Variants in RIOX2 observed in about 807,000 individuals in gnomAD.
RIOX2 encodes ribosomal oxygenase 2, also known as 60S ribosomal protein L27a histidine hydroxylase.
Under a neutral mutation model 51.2 loss-of-function variants are expected in RIOX2, and 43 were observed. That is an observed-to-expected ratio of 0.84 (90% CI 0.66 to 1.08). The LOEUF is 1.08. Among genes scored for constraint, RIOX2 ranks in the 50% least tolerant of loss-of-function variants. The pLI, the probability that RIOX2 is intolerant of heterozygous loss-of-function variation, is 0.00. For missense variants in RIOX2, 566 were observed against 561.7 expected, an observed-to-expected ratio of 1.01 and a Z score of -0.08; for synonymous variants, 226 against 218.5, an observed-to-expected ratio of 1.03 and a Z score of -0.30.
At position 97,959,153 on chromosome 3, in the gene RIOX2, C is replaced by G; in HGVS notation, c.579G>C (p.Glu193Asp). Reference protein sequence around the residue: ...VEVFILQLEGEKHWRLYHPTV... With the variant: ...VEVFILQLEGDKHWRLYHPTV... ...TGGGGTGGTAGAGGCGCCAGTGTTT[C>G]TCTCCCTCCAGCTGCAGGATGAAAA... Residue 193 changes from glutamate to aspartate, a missense_variant, in exon 4 of 10, where the codon GAG becomes GAC. Coordinates refer to ENST00000394198, the MANE Select transcript of RIOX2 (RefSeq NM_153182.4). The G allele has an allele frequency of 6.2e-7, 1 of 1,613,986 alleles. No homozygotes were observed. Among genetic ancestry groups the G allele is most frequent in the African/African-American group, 1.3e-5 (1 of 75,024 alleles).
chr3:97,963,197 C>G (rs1705750225), intron 2 of RIOX2, among the ~76,000 whole-genome samples: 1 of 152,204 alleles, frequency 6.6e-6, no homozygotes, highest in Admixed American at 6.5e-5. Context: ...AATCACAGTT[C>G]ACTGCAGCCT....
At chr3:97,964,594 G>T (rs1336839598) in intron 2 of RIOX2, among the ~76,000 whole-genome samples, 1 of 150,960 alleles carries the variant, frequency 6.6e-6, no homozygotes, top group African/African-American at 2.4e-5. Flanking sequence ...TACTCAGGAG[G>T]TCCAAGGCAG....
chr3:97,964,955 C>G (rs1376521864), intron 2 of RIOX2, among the ~76,000 whole-genome samples: 1 of 151,954 alleles, frequency 6.6e-6, no homozygotes, highest in African/African-American at 2.4e-5. Flanking sequence ...TTTAAACTAA[C>G]TATACTAATA....
At chr3:97,946,575 CT>C (rs201163224) in intron 8 of RIOX2, among the ~76,000 whole-genome samples, 1,672 of 85,290 alleles carry the variant, frequency 0.02, 21 homozygotes, top group Middle Eastern at 0.055. Flanking sequence ...GGAATGTGTA[CT>C]TTTGAGGATG....
In RIOX2 at chr3:97,960,439, G is replaced by A. The variant is rs76369616; in HGVS notation, c.552+1150C>T. Reference sequence around the variant, plus strand: ...AACACATATAACATACAAAATAAGTGTTAACCAATTTATGCTATCAGTAAG... The same window carrying A: ...AACACATATAACATACAAAATAAGTATTAACCAATTTATGCTATCAGTAAG... On this transcript the variant is annotated intron_variant, in intron 3 of 9. Transcript: ENST00000394198. 4.1e-3 allele frequency among the ~76,000 whole-genome samples: 618 copies of A among 152,252 alleles called. 10 individuals carry two copies. Among genetic ancestry groups the A allele is most frequent in the African/African-American group, 0.014 (586 of 41,542 alleles).
chr3:97,950,084 T>C, intron 6 of RIOX2, 69 bp from the exon 7 acceptor site: 2 of 1,531,050 alleles, frequency 1.3e-6, no homozygotes, highest in Admixed American at 3.4e-5. Flanking sequence ...GTCTCCACAG[T>C]AGACTGCAAA....
At position 97,953,333 on chromosome 3, in the gene RIOX2, A is replaced by C. The variant is rs1705318443; in HGVS notation, c.785+1059T>G. On this transcript the variant is annotated intron_variant, in intron 5 of 9. Transcript: ENST00000394198. ...TAAAATCCTTGAATTCCCAGCAACA[A>C]ACACAATGTCTAGTACATATTTGTT... Among the ~76,000 whole-genome samples the C allele has an allele frequency of 3.9e-5, 6 of 152,126 alleles. No homozygotes were observed. The South Asian group carries it at 1.2e-3, about 32-fold the overall frequency.
intron 1 of RIOX2, among the ~76,000 whole-genome samples, chr3:97,969,392 CAA>C (rs1486464749): frequency 6.6e-6 from 1 of 152,108 alleles, no homozygotes. Context: ...TGGAGAAATA[CAA>C]AGAGATAGAA....
Position 97,949,930 on chromosome 3 carries a change from A to C in RIOX2, c.974T>G (p.Leu325Arg). 1 of 1,613,974 alleles carries C rather than the reference A, an allele frequency of 6.2e-7. No homozygotes were observed. The highest frequency in any genetic ancestry group is 8.5e-7 in the Non-Finnish European group (1 of 1,179,968). The change falls in exon 7 of 10, where the codon CTG (leucine) becomes CGG (arginine). Residue 325 changes from leucine to arginine, a missense_variant. Transcript: ENST00000394198. Reference protein sequence around the residue: ...LADRLEGTKELLSSDMKKDFI... With the variant: ...LADRLEGTKERLSSDMKKDFI... ...ATCCTTCTTCATGTCTGAGGAAAGC[A>C]GTTCTTTGGTGCCCTCCAGCCGGTC...
At chr3:97,947,028 C>T (rs2040383212) in intron 8 of RIOX2, among the ~76,000 whole-genome samples, 1 of 152,032 alleles carries the variant, frequency 6.6e-6, no homozygotes, top group Non-Finnish European at 1.5e-5. Context: ...TATAGATCTG[C>T]ACAGTGTGGA....
chr3:97,961,550 C>T (rs1183046496), intron 3 of RIOX2, 39 bp downstream of exon 3: 2 of 1,566,556 alleles, frequency 1.3e-6, no homozygotes, highest in African/African-American at 2.7e-5. Context: ...CTCAACAACT[C>T]ATTCTTCCCA....
At chr3:97,964,969 T>C (rs1237526866) in intron 2 of RIOX2, among the ~76,000 whole-genome samples, 16 of 152,056 alleles carry the variant, frequency 1.1e-4, no homozygotes, top group Non-Finnish European at 5.9e-5. Flanking sequence ...ACTAATAAGC[T>C]GTGCACAGTC....
In RIOX2 at chr3:97,961,604, A is replaced by T; in HGVS notation, c.537T>A (p.His179Gln). The T allele has an allele frequency of 1.2e-6, 2 of 1,603,016 alleles. No homozygotes were observed. The highest frequency in any genetic ancestry group is 2.3e-5 in the South Asian group (2 of 88,262). ...CATCTCTTACCTCGACATCATCATA[A>T]TGGGGCGGCAGGCCCTGAGATCCTG... ...TPAGSQGLPP[H>Q]YDDVEVFILQ... Residue 179 changes from histidine to glutamine, a missense_variant, in exon 3 of 10, where the codon CAT becomes CAA. Transcript: ENST00000394198.
chr3:97,945,218 GATA>G lies in RIOX2; in HGVS notation c.1361_1363del (p.Leu454del), dbSNP rs1298509378. 6.2e-7 allele frequency: 1 copy of G among 1,612,270 alleles called. No individual in the cohort carries two copies. The highest frequency in any genetic ancestry group is 1.3e-5 in the African/African-American group (1 of 74,794). On this transcript the variant is annotated inframe_deletion, in exon 10 of 10. Coordinates refer to ENST00000394198, the MANE Select transcript of RIOX2 (RefSeq NM_153182.4). Reference sequence around the variant, plus strand: ...TTGAATTAAACATTCTGTCCAGAGGGATAATACCAGGCTTTCCTTTTCCTCATC... The same window carrying G: ...TTGAATTAAACATTCTGTCCAGAGGGATACCAGGCTTTCCTTTTCCTCATC...
intron 7 of RIOX2, 60 bp from the exon 8 acceptor site, chr3:97,947,509 T>C: frequency 7.6e-7 from 1 of 1,312,688 alleles, no homozygotes; most frequent in Non-Finnish European, 1.1e-6. Context: ...AGATTCAAAC[T>C]TGCTTATACA....
intron 1 of RIOX2, among the ~76,000 whole-genome samples, chr3:97,971,221 G>A (rs892120396): frequency 1.3e-5 from 2 of 152,200 alleles, no homozygotes; most frequent in African/African-American, 4.8e-5. Flanking sequence ...CCCCTGGGCA[G>A]TTTTACAGAA....
In RIOX2 at chr3:97,972,366, G is replaced by T. The variant is rs1157487696; in HGVS notation, c.-40+15C>A. 1 of 151,756 alleles carries T rather than the reference G, an allele frequency of 6.6e-6. No homozygotes were observed. The highest frequency in any genetic ancestry group is 2.4e-5 in the African/African-American group (1 of 41,408). The allele number at this position is 151,756 out of a possible 1,614,324, so 9.4% of individuals were successfully genotyped here. ...TGCCCCGGCGCTGGGATGCCCACGA[G>T]AGCGCCCCACTCACCCGGCACGGCC... On this transcript the variant is annotated intron_variant, in intron 1 of 9. Transcript: ENST00000394198.
chr3:97,951,031 G>T, intron 5 of RIOX2, 143 bp from the exon 6 acceptor site: 1 of 621,188 alleles, frequency 1.6e-6, no homozygotes, highest in South Asian at 2.0e-5. Flanking sequence ...TCCATTAATT[G>T]GACATTACTC....
intron 5 of RIOX2, among the ~76,000 whole-genome samples, chr3:97,953,113 A>AC (rs1014704352): frequency 6.6e-6 from 1 of 151,752 alleles, no homozygotes; most frequent in Non-Finnish European, 1.5e-5. Context: ...CTGCTGACCC[A>AC]CCCCTACTTA....
Sources: allele counts gnomAD v4.1 joint callset (sites outside exome capture counted in the v4.1 genomes callset), GRCh38; gene constraint gnomAD v4.1.1; transcripts MANE v1.5; gene names NCBI Gene and HGNC (gene_info 2026-07-23, HGNC 2026-07-21).